The following PKIB variants were observed in gnomAD, a reference collection of about 807,000 sequenced individuals.
PKIB encodes the protein PKI-beta.
In PKIB, 2 loss-of-function variants were observed where a neutral mutation model predicts 4.5. The ratio of observed to expected loss-of-function variants is 0.44; its 90% CI spans 0.18 to 1.39. The LOEUF (loss-of-function observed/expected upper bound fraction) is 1.39. Ranked by LOEUF, PKIB falls within the 40% of genes most tolerant of loss-of-function variation. The pLI is 0.27. For synonymous variants in PKIB, 38 were observed against 36.0 expected, an observed-to-expected ratio of 1.06 and a Z score of -0.20; for missense variants, 94 against 92.6, an observed-to-expected ratio of 1.02 and a Z score of -0.06.
intron 2 of PKIB, among the ~76,000 whole-genome samples, chr6:122,506,694 ATTTTTTTTTTTT>A (rs35341464): frequency 1.9e-4 from 22 of 116,570 alleles, no homozygotes; most frequent in African/African-American, 7.1e-4. Flanking sequence ...TGGAGATGTA[ATTTTTTTTTTTT>A]TTTTTTTTTT....
intron 3 of PKIB, among the ~76,000 whole-genome samples, chr6:122,708,435 A>C (rs961607059): frequency 1.3e-5 from 2 of 152,134 alleles, no homozygotes; most frequent in African/African-American, 2.4e-5. Context: ...TTGTTTCTGA[A>C]AGTATGTGAA....
chr6:122,669,188 T>C (rs1378272169), intron 2 of PKIB, among the ~76,000 whole-genome samples: 2 of 152,234 alleles, frequency 1.3e-5, no homozygotes, highest in East Asian at 3.8e-4. Flanking sequence ...AAGGACAGAA[T>C]GTCATAGGTA....
intron 3 of PKIB, among the ~76,000 whole-genome samples, chr6:122,587,247 A>G (rs9490486): frequency 0.19 from 29,487 of 151,830 alleles, 3,316 homozygotes; most frequent in African/African-American, 0.31. Flanking sequence ...TCATTGTTCA[A>G]TTCCCACCTA....
intron 2 of PKIB, among the ~76,000 whole-genome samples, chr6:122,524,924 G>C (rs1486913562): frequency 1.3e-5 from 2 of 150,606 alleles, no homozygotes; most frequent in Non-Finnish European, 3.0e-5. Context: ...TTTTCGTTTT[G>C]TTGATTTTTT....
intron 3 of PKIB, among the ~76,000 whole-genome samples, chr6:122,677,739 A>G (rs1777732986): frequency 6.6e-6 from 1 of 152,174 alleles, no homozygotes; most frequent in Non-Finnish European, 1.5e-5. Flanking sequence ...CAGGACTAAC[A>G]GTTGGATTCT....
chr6:122,724,176 T>C (rs1779852691), intron 4 of PKIB, among the ~76,000 whole-genome samples: 1 of 152,154 alleles, frequency 6.6e-6, no homozygotes, highest in South Asian at 2.1e-4. Flanking sequence ...AGACTTACAG[T>C]TGAAAGAGGG....
chr6:122,722,125 A>G (rs1286595363), intron 4 of PKIB, among the ~76,000 whole-genome samples: 1 of 152,170 alleles, frequency 6.6e-6, no homozygotes, highest in Non-Finnish European at 1.5e-5. Context: ...GGAAGCACAT[A>G]ATATATGAAA....
intron 3 of PKIB, among the ~76,000 whole-genome samples, chr6:122,676,119 C>G (rs1777662942): frequency 6.6e-6 from 1 of 151,622 alleles, no homozygotes; most frequent in African/African-American, 2.4e-5. Context: ...AATGGGAGCG[C>G]TGAGCTTGTT....
chr6:122,617,138 G>C (rs1775025763), intron 1 of PKIB, among the ~76,000 whole-genome samples: 1 of 152,168 alleles, frequency 6.6e-6, no homozygotes, highest in Admixed American at 6.5e-5. Context: ...GCTGCAAAGA[G>C]GCAACAGGTT....
chr6:122,540,861 G>T (rs1464923283), intron 2 of PKIB, among the ~76,000 whole-genome samples: 2 of 150,526 alleles, frequency 1.3e-5, no homozygotes, highest in East Asian at 3.9e-4. Context: ...GAATCTGGGT[G>T]CTCCTGTATT....
intron 3 of PKIB, among the ~76,000 whole-genome samples, chr6:122,688,956 T>A (rs1778209913): frequency 6.6e-6 from 1 of 151,958 alleles, no homozygotes; most frequent in Non-Finnish European, 1.5e-5. Flanking sequence ...AATTTTTTTT[T>A]ATTTTTAGTA....
At chr6:122,715,513 G>A (rs3813493) in intron 3 of PKIB, among the ~76,000 whole-genome samples, 35,154 of 151,572 alleles carry the variant, frequency 0.23, 4,750 homozygotes, top group Middle Eastern at 0.36. Flanking sequence ...AATGTACCAT[G>A]GGAGGGCTCA....
chr6:122,691,674 T>C (rs1778361822), intron 3 of PKIB, among the ~76,000 whole-genome samples: 1 of 152,170 alleles, frequency 6.6e-6, no homozygotes, highest in African/African-American at 2.4e-5. Context: ...ATATCTCTTT[T>C]TCCCCAGGAT....
At chr6:122,494,231 T>TAAA (rs1227723720) in intron 2 of PKIB, among the ~76,000 whole-genome samples, 2 of 152,216 alleles carry the variant, frequency 1.3e-5, no homozygotes, top group Non-Finnish European at 2.9e-5. Context: ...AACTTTCATT[T>TAAA]AATCTTTGGA....
Position 122,633,266 on chromosome 6 carries a change from GC to G in PKIB, c.-160-15del, listed in dbSNP as rs558689325. The stretch of plus-strand genomic sequence containing the variant: ...TGTTTATCTTAATAAATCTGTTCCT[GC>G]CTTTGTTTCCTTCAGGAGTCATGCT... On this transcript the variant is annotated splice_polypyrimidine_tract_variant and intron_variant, in intron 1 of 4. Transcript: ENST00000368452. The G allele has an allele frequency of 3.9e-5, 6 of 152,282 alleles. 1 individual carries two copies. In the South Asian group the frequency reaches 1.2e-3, roughly 32 times the overall value. The allele number at this position is 152,282 out of a possible 1,614,324, so 9.4% of individuals were successfully genotyped here.
intron 2 of PKIB, among the ~76,000 whole-genome samples, chr6:122,555,537 A>G (rs1772811030): frequency 1.3e-5 from 2 of 152,352 alleles, no homozygotes; most frequent in African/African-American, 4.8e-5. Context: ...GACAAGACAC[A>G]AAGTGCTAAA....
chr6:122,626,776 ATT>A (rs1447605243), intron 1 of PKIB, among the ~76,000 whole-genome samples: 2 of 152,188 alleles, frequency 1.3e-5, no homozygotes, highest in African/African-American at 4.8e-5. Context: ...CTCAGTAAAT[ATT>A]GTTTTTTAAT....
intron 3 of PKIB, among the ~76,000 whole-genome samples, chr6:122,699,458 C>A (rs1227451888): frequency 6.9e-6 from 1 of 144,740 alleles, no homozygotes; most frequent in Non-Finnish European, 1.5e-5. Context: ...GAAATAGGGA[C>A]CTGAACTGTA....
intron 3 of PKIB, chr6:122,701,496 C>T: frequency 6.3e-7 from 1 of 1,596,970 alleles, no homozygotes; most frequent in South Asian, 1.1e-5. Flanking sequence ...GCATGTCACA[C>T]CAGGGTATAG....
Sources: allele counts gnomAD v4.1 joint callset (sites outside exome capture counted in the v4.1 genomes callset), GRCh38; gene constraint gnomAD v4.1.1; transcripts MANE v1.5; gene names NCBI Gene and HGNC (gene_info 2026-07-23, HGNC 2026-07-21).